The following ANKRD17 variants were observed in gnomAD, a reference collection of about 807,000 sequenced individuals.
The protein encoded by ANKRD17 is ankyrin repeat domain 17.
A neutral mutation model predicts 229.7 loss-of-function variants in ANKRD17; 19 were observed. The ratio of observed to expected loss-of-function variants is 0.08; its 90% CI spans 0.06 to 0.12. ANKRD17 has a LOEUF of 0.12. ANKRD17 is among the 10% of genes least tolerant of loss of function. The pLI is 1.00. For missense variants in ANKRD17, 2,176 were observed against 3,176.8 expected, an observed-to-expected ratio of 0.68 and a Z score of 7.57; for synonymous variants, 1,112 against 1,146.1, an observed-to-expected ratio of 0.97 and a Z score of 0.60.
chr4:73,156,861 A>C (rs1398907673), intron 3 of ANKRD17, among the ~76,000 whole-genome samples: 1 of 152,200 alleles, frequency 6.6e-6, no homozygotes, highest in African/African-American at 2.4e-5. Context: ...CAGAGTGAGA[A>C]CAGACTAATG....
At chr4:73,160,606 C>T (rs1256158735) in intron 3 of ANKRD17, among the ~76,000 whole-genome samples, 1 of 152,086 alleles carries the variant, frequency 6.6e-6, no homozygotes, top group Non-Finnish European at 1.5e-5. Context: ...GCTTAAAATG[C>T]CATGTCACAA....
At chr4:73,184,202 T>C (rs1219539546) in intron 1 of ANKRD17, among the ~76,000 whole-genome samples, 1 of 152,210 alleles carries the variant, frequency 6.6e-6, no homozygotes, top group African/African-American at 2.4e-5. Flanking sequence ...TTCTGTAGTT[T>C]AATAAACTCG....
At position 73,097,223 on chromosome 4, in the gene ANKRD17, T is replaced by C; in HGVS notation, c.5071A>G (p.Thr1691Ala). ...EGTSNSLSTC[T>A]KSGPSPLSSP... ...GAAAGGGGAGATGGACCAGATTTTG[T>C]ACAAGTAGATAGAGAATTACTGGTC... is the stretch of plus-strand genomic sequence containing the variant. The change falls in exon 27 of 34, where the codon ACA becomes GCA. Residue 1691 changes from threonine (T) to alanine (A), a missense_variant. Thr to Ala is a moderately conservative substitution (Grantham distance 58, BLOSUM62 0). This residue lies in a region of ANKRD17 where 98 missense variants were observed against 101.0 expected (regional missense o/e 0.97). Coordinates refer to ENST00000358602, the MANE Select transcript of ANKRD17 (RefSeq NM_032217.5). 1.2e-6 allele frequency: 2 copies of C among 1,608,446 alleles called. No individual in the cohort carries two copies. The highest frequency in any genetic ancestry group is 2.3e-5 in the East Asian group (1 of 44,338).
intron 18 of ANKRD17, 28 bp from the exon 19 acceptor site, chr4:73,121,787 TTTC>T: frequency 6.4e-7 from 1 of 1,567,670 alleles, no homozygotes; most frequent in Non-Finnish European, 8.6e-7. Flanking sequence ...AAAAATATGT[TTTC>T]TTATGGAGAG....
At position 73,073,665 on chromosome 4, in the gene ANKRD17, T is replaced by A. The variant is rs960820761; in HGVS notation, c.*2566A>T. The A allele has an allele frequency of 2.6e-5, 4 of 152,060 alleles. No homozygotes were observed. Among genetic ancestry groups the A allele is most frequent in the Non-Finnish European group, 5.9e-5 (4 of 67,896 alleles). 9.4% of individuals were successfully genotyped at this position (152,060 alleles called of 1,614,324 possible). A position where few individuals can be genotyped will look rare whatever the true frequency, so the allele number is the denominator to read the frequency against. On this transcript the variant is annotated 3_prime_UTR_variant, in exon 34 of 34. Coordinates refer to ENST00000358602, the MANE Select transcript of ANKRD17 (RefSeq NM_032217.5). ...TTTTCATGTATCAATAAAAATGACT[T>A]GACTTTTCAGTAATGGGAAATAGGA...
chr4:73,127,017 A>G (rs1414376627), intron 16 of ANKRD17, among the ~76,000 whole-genome samples: 1 of 152,272 alleles, frequency 6.6e-6, no homozygotes, highest in Non-Finnish European at 1.5e-5. Flanking sequence ...AATAACTGAT[A>G]TTCAATTTGG....
intron 24 of ANKRD17, among the ~76,000 whole-genome samples, chr4:73,104,549 G>A (rs1391247568): frequency 6.6e-6 from 1 of 152,164 alleles, no homozygotes; most frequent in Non-Finnish European, 1.5e-5. Context: ...TCTACTTCAG[G>A]ATTAGGAATA....
intron 9 of ANKRD17, 112 bp downstream of exon 9, chr4:73,147,129 T>A: frequency 9.3e-7 from 1 of 1,076,550 alleles, no homozygotes; most frequent in Non-Finnish European, 1.3e-6. Context: ...ATCACACGTT[T>A]TTTTAAACTC....
intron 2 of ANKRD17, among the ~76,000 whole-genome samples, chr4:73,169,333 A>G (rs1359335626): frequency 6.6e-6 from 1 of 152,178 alleles, no homozygotes. Flanking sequence ...GAGGGACTGT[A>G]CATCATGGTT....
intron 29 of ANKRD17, 66 bp downstream of exon 29, chr4:73,090,601 G>T: frequency 1.3e-6 from 2 of 1,584,658 alleles, no homozygotes; most frequent in South Asian, 2.3e-5. Flanking sequence ...ATTAGAAAAT[G>T]ACCAAGAATT....
chr4:73,252,816 T>C (rs1392637979), intron 1 of ANKRD17, among the ~76,000 whole-genome samples: 2 of 152,186 alleles, frequency 1.3e-5, no homozygotes, highest in African/African-American at 4.8e-5. Flanking sequence ...AACTTAATTC[T>C]AGGTGGTGGG....
chr4:73,122,228 T>C (rs373136622), intron 18 of ANKRD17, among the ~76,000 whole-genome samples: 1 of 152,280 alleles, frequency 6.6e-6, no homozygotes, highest in African/African-American at 2.4e-5. Context: ...TAAAAAACCT[T>C]ATATACATTC....
At chr4:73,103,773 G>A (rs1478001164) in intron 24 of ANKRD17, among the ~76,000 whole-genome samples, 1 of 150,838 alleles carries the variant, frequency 6.6e-6, no homozygotes, top group Non-Finnish European at 1.5e-5. Flanking sequence ...CATCTTTTAA[G>A]TGCTGTGCTT....
intron 3 of ANKRD17, among the ~76,000 whole-genome samples, chr4:73,158,176 G>GAA (rs1731993883): frequency 6.6e-6 from 1 of 151,012 alleles, no homozygotes; most frequent in African/African-American, 2.4e-5. Flanking sequence ...AAGAAAGAAA[G>GAA]AAAGAAAGAA....
chr4:73,246,667 G>A (rs914905433), intron 1 of ANKRD17, among the ~76,000 whole-genome samples: 5 of 152,136 alleles, frequency 3.3e-5, no homozygotes, highest in African/African-American at 1.2e-4. Flanking sequence ...ACAGAAAAGG[G>A]TCCAATGAGG....
intron 1 of ANKRD17, among the ~76,000 whole-genome samples, chr4:73,224,030 T>C (rs1225265543): frequency 6.6e-6 from 1 of 152,098 alleles, no homozygotes; most frequent in Non-Finnish European, 1.5e-5. Context: ...GGCGAGCAGA[T>C]CATTTGAGGC....
intron 31 of ANKRD17, among the ~76,000 whole-genome samples, chr4:73,078,225 A>C (rs530387886): frequency 1.3e-5 from 2 of 151,686 alleles, no homozygotes; most frequent in South Asian, 4.2e-4. Context: ...AAAAATACAA[A>C]AATTAGCCGG....
chr4:73,133,022 A>C (rs1403295439), intron 16 of ANKRD17, among the ~76,000 whole-genome samples: 3 of 152,098 alleles, frequency 2.0e-5, no homozygotes, highest in Non-Finnish European at 4.4e-5. Flanking sequence ...TAATGCAGGC[A>C]GATCACCTGA....
intron 22 of ANKRD17, among the ~76,000 whole-genome samples, chr4:73,117,108 A>G (rs1726065992): frequency 6.6e-6 from 1 of 152,176 alleles, no homozygotes; most frequent in Non-Finnish European, 1.5e-5. Context: ...ACACTGTCAA[A>G]CTTGTACGAC....
Sources: allele counts gnomAD v4.1 joint callset (sites outside exome capture counted in the v4.1 genomes callset), GRCh38; gene constraint gnomAD v4.1.1; regional missense constraint gnomAD v4.1.1; transcripts MANE v1.5; gene names NCBI Gene and HGNC (gene_info 2026-07-23, HGNC 2026-07-21).